Variants in MEGF9 observed in about 807,000 individuals in gnomAD.
MEGF9 encodes the protein multiple epidermal growth factor-like domains protein 9.
In MEGF9, 6 loss-of-function variants were observed where a neutral mutation model predicts 46.8. The ratio of observed to expected loss-of-function variants is 0.13; its 90% CI spans 0.07 to 0.25. The LOEUF is 0.25. Among genes scored for constraint, MEGF9 ranks in the 10% least tolerant of loss-of-function variants. The probability of loss-of-function intolerance (pLI) is 1.00; values close to 1 mark genes in which losing one functional copy is unlikely to be tolerated. For synonymous variants in MEGF9, 302 were observed against 330.7 expected (o/e 0.91, Z 0.94); for missense variants, 683 against 792.4 (o/e 0.86, Z 1.66).
intron 1 of MEGF9, among the ~76,000 whole-genome samples, chr9:120,700,675 T>G (rs1253498936): frequency 6.6e-6 from 1 of 152,158 alleles, no homozygotes; most frequent in Non-Finnish European, 1.5e-5. Context: ...ATCCCTATAA[T>G]GATTAATAGG....
chr9:120,601,878 T>G lies in MEGF9; in HGVS notation c.*3312A>C, dbSNP rs2043397843. ...ATGCATAGGCGCTTACCAAAATGAA[T>G]TAATGAAGATAAAAGCATCGCTTAA... On this transcript the variant is annotated 3_prime_UTR_variant, in exon 6 of 6. Coordinates refer to ENST00000373930, the MANE Select transcript of MEGF9 (RefSeq NM_001080497.3). 6.6e-6 allele frequency: 1 copy of G among 152,156 alleles called. No homozygotes were observed. Among genetic ancestry groups the G allele is most frequent in the African/African-American group, 2.4e-5 (1 of 41,432 alleles). The allele number at this position is 152,156 out of a possible 1,614,324, so 9.4% of individuals were successfully genotyped here. A position where few individuals can be genotyped will look rare whatever the true frequency, so the allele number is the denominator to read the frequency against.
In MEGF9 at chr9:120,612,302, T is replaced by C; in HGVS notation, c.1087+94A>G. On this transcript the variant is annotated intron_variant, in intron 4 of 5. Transcript: ENST00000373930. ...TGTTTTTATAACTCCCTTTCACCTA[T>C]AGCATCCAGAACTTTATTCATCAAT... 5 of 1,230,710 alleles carry C rather than the reference T, an allele frequency of 4.1e-6. No individual in the cohort carries two copies. In the South Asian group the frequency reaches 7.0e-5, roughly 17 times the overall value. 76.2% of individuals were successfully genotyped at this position (1,230,710 alleles called of 1,614,324 possible).
At chr9:120,640,793 G>T (rs2043598718) in intron 2 of MEGF9, among the ~76,000 whole-genome samples, 1 of 152,120 alleles carries the variant, frequency 6.6e-6, no homozygotes, top group East Asian at 1.9e-4. Context: ...GAGGTCTGGT[G>T]TATGAATGAT....
chr9:120,642,366 A>G (rs1234538473), intron 2 of MEGF9, among the ~76,000 whole-genome samples: 1 of 152,166 alleles, frequency 6.6e-6, no homozygotes, highest in Non-Finnish European at 1.5e-5. Context: ...TGCCTATTCT[A>G]TTTCAGGGTA....
chr9:120,605,123 C>G lies in MEGF9; in HGVS notation c.*67G>C. ...TCAGCAAACTCTAGCCAGGCTTTGT[C>G]TGGCCCAGGGGCTGACTCTGTCTTA... On this transcript the variant is annotated 3_prime_UTR_variant, in exon 6 of 6. Transcript: ENST00000373930. The surrounding 1 kb of genome is among the most constrained non-coding windows in gnomAD (Gnocchi z 4.0). The G allele has an allele frequency of 6.7e-7, 1 of 1,484,082 alleles. No homozygotes were observed. The highest frequency in any genetic ancestry group is 9.0e-7 in the Non-Finnish European group (1 of 1,104,990). The allele number at this position is 1,484,082 out of a possible 1,614,324, so 91.9% of individuals were successfully genotyped here. A position where few individuals can be genotyped will look rare whatever the true frequency, so the allele number is the denominator to read the frequency against.
chr9:120,622,953 T>C (rs908738447), intron 2 of MEGF9, among the ~76,000 whole-genome samples, 198 bp from the exon 3 acceptor site: 2 of 152,234 alleles, frequency 1.3e-5, no homozygotes, highest in Admixed American at 6.5e-5. Context: ...CATAATGCAA[T>C]TTCTTAGCTA....
chr9:120,638,166 T>A (rs1016095720), intron 2 of MEGF9, among the ~76,000 whole-genome samples: 9 of 152,134 alleles, frequency 5.9e-5, no homozygotes, highest in Non-Finnish European at 1.3e-4. Flanking sequence ...GCTAATGTTT[T>A]GATTTTGTAG....
intron 5 of MEGF9, among the ~76,000 whole-genome samples, chr9:120,606,820 T>G (rs1410280084): frequency 6.6e-6 from 1 of 152,176 alleles, no homozygotes; most frequent in Non-Finnish European, 1.5e-5. Context: ...TTATTATAAT[T>G]CTTCACCATG....
intron 2 of MEGF9, among the ~76,000 whole-genome samples, chr9:120,651,352 T>C (rs2043648517): frequency 6.6e-6 from 1 of 152,218 alleles, no homozygotes; most frequent in Admixed American, 6.5e-5. Context: ...ATCTGAGATT[T>C]TGAGAAAGGC....
At chr9:120,648,070 T>A (rs1008949032) in intron 2 of MEGF9, among the ~76,000 whole-genome samples, 8 of 152,262 alleles carry the variant, frequency 5.3e-5, no homozygotes, top group Middle Eastern at 3.4e-3. Context: ...TAAGTTCTCT[T>A]GCTTAGATTG....
At position 120,612,439 on chromosome 9, in the gene MEGF9, G is replaced by T. The variant is rs771982025; in HGVS notation, c.1044C>A (p.Arg348=). 6 of 1,613,566 alleles carry T rather than the reference G, an allele frequency of 3.7e-6. No homozygotes were observed. The highest frequency in any genetic ancestry group is 1.3e-5 in the African/African-American group (1 of 74,900). ...TAGATGTCACTGCTGAACAAGGGCA[G>T]CGAAGACATTCTTTAGTGGCATCAG... ...QSPDATKECL[R]CPCSAVTSTG... The change falls in exon 4 of 6, where the codon CGC becomes CGA. Residue 348 remains arginine (R), a synonymous_variant. Transcript: ENST00000373930.
chr9:120,668,643 T>C (rs987494625), intron 1 of MEGF9, among the ~76,000 whole-genome samples: 1 of 152,228 alleles, frequency 6.6e-6, no homozygotes, highest in African/African-American at 2.4e-5. Flanking sequence ...TGACAAGTTC[T>C]GGAAAAGGTT....
chr9:120,713,631 C>G (rs2043963069), intron 1 of MEGF9, 127 bp downstream of exon 1: 1 of 1,209,840 alleles, frequency 8.3e-7, no homozygotes, highest in Non-Finnish European at 1.0e-6. Flanking sequence ...CTGGGATCCC[C>G]CCTCGGGAGC....
intron 2 of MEGF9, among the ~76,000 whole-genome samples, chr9:120,645,495 C>T (rs1337753529): frequency 6.6e-6 from 1 of 152,146 alleles, no homozygotes; most frequent in Non-Finnish European, 1.5e-5. Context: ...TTCCAGGTAG[C>T]AGTGAGAAAC....
At chr9:120,697,756 G>A (rs749932159) in intron 1 of MEGF9, among the ~76,000 whole-genome samples, 5 of 152,016 alleles carry the variant, frequency 3.3e-5, no homozygotes, top group Non-Finnish European at 7.4e-5. Flanking sequence ...AACACTCTTT[G>A]ATCTAATTTT....
chr9:120,628,038 T>C (rs1350556267), intron 2 of MEGF9, among the ~76,000 whole-genome samples: 1 of 152,200 alleles, frequency 6.6e-6, no homozygotes, highest in Admixed American at 6.5e-5. Flanking sequence ...AAATCAGTAA[T>C]ACCAAACTGC....
chr9:120,651,743 C>T (rs1051087982), intron 2 of MEGF9, among the ~76,000 whole-genome samples: 1 of 151,186 alleles, frequency 6.6e-6, no homozygotes, highest in Admixed American at 6.6e-5. Context: ...ACCTCCGCCT[C>T]CCCGGTTCAA....
intron 1 of MEGF9, among the ~76,000 whole-genome samples, chr9:120,664,556 C>T (rs1228671299): frequency 6.6e-6 from 1 of 152,210 alleles, no homozygotes; most frequent in Non-Finnish European, 1.5e-5. Context: ...GACAACAATA[C>T]TGCTGGTAAA....
chr9:120,636,026 C>A (rs2043572684), intron 2 of MEGF9, among the ~76,000 whole-genome samples: 1 of 152,112 alleles, frequency 6.6e-6, no homozygotes, highest in South Asian at 2.1e-4. Context: ...CCTCTGTCTC[C>A]CAAGTTCAAG....
Sources: allele counts gnomAD v4.1 joint callset (sites outside exome capture counted in the v4.1 genomes callset), GRCh38; gene constraint gnomAD v4.1.1; non-coding constraint Gnocchi (gnomAD v3.1); transcripts MANE v1.5; gene names NCBI Gene and HGNC (gene_info 2026-07-23, HGNC 2026-07-21).